ROBO2: variants seen among roughly 807,000 people sequenced by gnomAD.
ROBO2 encodes roundabout homolog 2.
ROBO2 carries 53 observed loss-of-function variants against 160.8 expected under a neutral mutation model. The observed-to-expected ratio is 0.33, with a 90% CI of 0.26 to 0.41. The LOEUF is 0.41. Among genes scored for constraint, ROBO2 ranks in the 10% least tolerant of loss-of-function variants. The pLI, the probability that ROBO2 is intolerant of heterozygous loss-of-function variation, is 1.00. For missense variants in ROBO2, 1,577 were observed against 1,722.4 expected (o/e 0.92, Z 1.49); for synonymous variants, 664 against 611.7 (o/e 1.09, Z -1.26).
rs142466544 is a variant in ROBO2 at position 77,022,053 on chromosome 3, C to A, written c.110-75961C>A. On this transcript the variant is annotated intron_variant, in intron 2 of 26. Transcript: ENST00000487694. ...CTCAAGAGTTCAAGACCAGCCTGGG[C>A]AAAATAATGAAACCTCACCTCTTAA... 2.5e-3 allele frequency among the ~76,000 whole-genome samples: 387 copies of A among 152,164 alleles called. 3 individuals are homozygous for A. Among genetic ancestry groups the A allele is most frequent in the African/African-American group, 8.7e-3 (361 of 41,502 alleles).
At chr3:76,042,833 C>T (rs2067314880) in intron 2 of ROBO2, among the ~76,000 whole-genome samples, 1 of 152,092 alleles carries the variant, frequency 6.6e-6, no homozygotes, top group African/African-American at 2.4e-5. Flanking sequence ...GCCCCTGTCA[C>T]ATACCCCTTG....
chr3:76,640,590 C>T lies in ROBO2; in HGVS notation c.110-457424C>T, dbSNP rs1432433942. 4.5e-3 allele frequency among the ~76,000 whole-genome samples: 172 copies of T among 38,508 alleles called. 1 individual carries two copies. The highest frequency in any genetic ancestry group is 0.012 in the African/African-American group (166 of 14,026). The allele number at this position is 38,508 out of a possible 152,430, so 25.3% of individuals were successfully genotyped here. ...ATAAATAAATATCAATGCGTGTTTG[C>T]GTGTGAGTGTGTGTGTGTGTGTGTG... is the stretch of plus-strand genomic sequence containing the variant. On this transcript the variant is annotated intron_variant, in intron 2 of 26. Transcript: ENST00000487694.
At chr3:76,110,595 T>C (rs1049234739) in intron 2 of ROBO2, among the ~76,000 whole-genome samples, 4 of 152,130 alleles carry the variant, frequency 2.6e-5, no homozygotes, top group African/African-American at 9.7e-5. Context: ...ATAAATGTTA[T>C]TGGTTATCTA....
intron 2 of ROBO2, among the ~76,000 whole-genome samples, chr3:76,065,736 AAT>A (rs370232330): frequency 0.028 from 3,698 of 134,216 alleles, 148 homozygotes; most frequent in African/African-American, 0.088. Context: ...ATTTAAACTA[AAT>A]ATATATATAT....
chr3:76,090,334 C>G (rs990680366), intron 2 of ROBO2, among the ~76,000 whole-genome samples: 18 of 152,000 alleles, frequency 1.2e-4, no homozygotes, highest in African/African-American at 4.1e-4. Flanking sequence ...CCCAGCTGCT[C>G]GGGAGGCTAA....
intron 23 of ROBO2, chr3:77,634,505 A>C (rs2095229505): frequency 3.8e-6 from 1 of 261,000 alleles, no homozygotes; most frequent in Non-Finnish European, 7.6e-6. Context: ...TAGCTTCTTT[A>C]ATTTTAAGAA....
chr3:77,039,735 C>A (rs1490216459), upstream of ROBO2, among the ~76,000 whole-genome samples: 1 of 152,040 alleles, frequency 6.6e-6, no homozygotes, highest in Non-Finnish European at 1.5e-5. Flanking sequence ...CGCCCCTCCT[C>A]GCCCCCGCCC....
chr3:77,631,377 A>C (rs911289729), intron 23 of ROBO2: 2 of 152,174 alleles, frequency 1.3e-5, no homozygotes, highest in Non-Finnish European at 1.5e-5. Flanking sequence ...TTACAGAAAA[A>C]AATTAAATGG....
rs1395926269 is a variant in ROBO2, at chr3:76,107,120, C to T, written c.109+169518C>T. The stretch of plus-strand genomic sequence containing the variant: ...CAAAAACATTCTCATTTGAAGCTCA[C>T]AATAAAATGAGAAGATGTTATCTCC... On this transcript the variant is annotated intron_variant, in intron 2 of 26. Transcript: ENST00000487694. Among the ~76,000 whole-genome samples the T allele has an allele frequency of 4.6e-5, 7 of 152,170 alleles. No individual in the cohort carries two copies. In the East Asian group the frequency reaches 1.2e-3, roughly 25 times the overall value.
chr3:77,037,165 A>G (rs1410117954), upstream of ROBO2, among the ~76,000 whole-genome samples: 1 of 152,178 alleles, frequency 6.6e-6, no homozygotes, highest in Non-Finnish European at 1.5e-5. Flanking sequence ...TTTGGTCATA[A>G]TCCTAAACTA....
intron 2 of ROBO2, among the ~76,000 whole-genome samples, chr3:77,180,838 T>G (rs1010881833): frequency 1.3e-5 from 2 of 152,064 alleles, no homozygotes; most frequent in African/African-American, 2.4e-5. Flanking sequence ...ATATGTGGTA[T>G]ACACTTTGAC....
intron 2 of ROBO2, among the ~76,000 whole-genome samples, chr3:76,024,607 A>G (rs2066677436): frequency 6.6e-6 from 1 of 151,656 alleles, no homozygotes; most frequent in Admixed American, 6.6e-5. Flanking sequence ...ATTCGATATA[A>G]AAAACACAAC....
intron 2 of ROBO2, among the ~76,000 whole-genome samples, chr3:75,970,589 T>G (rs1218993133): frequency 6.6e-6 from 1 of 151,616 alleles, no homozygotes; most frequent in Admixed American, 6.6e-5. Context: ...AAATTCTGTC[T>G]TAAAGTTGTT....
chr3:77,522,925 G>A (rs1412836588), intron 6 of ROBO2, 23 bp downstream of exon 6: 8 of 1,608,036 alleles, frequency 5.0e-6, no homozygotes, highest in Non-Finnish European at 6.8e-6. Flanking sequence ...AGATGTCAAA[G>A]ATAATTGAAC....
At chr3:75,928,901 T>TGTGTGA (rs1300337865) in intron 1 of ROBO2, among the ~76,000 whole-genome samples, 1 of 108,590 alleles carries the variant, frequency 9.2e-6, no homozygotes, top group African/African-American at 4.2e-5. Flanking sequence ...TGTGTGTGTG[T>TGTGTGA]GATAGCTGAT....
intron 1 of ROBO2, among the ~76,000 whole-genome samples, chr3:77,081,781 G>T (rs573020098): frequency 6.6e-6 from 1 of 152,330 alleles, no homozygotes; most frequent in African/African-American, 2.4e-5. Context: ...TGGAGATGTA[G>T]ACACAGATAC....
At chr3:77,221,627 T>A (rs1230378221) in intron 2 of ROBO2, among the ~76,000 whole-genome samples, 1 of 152,100 alleles carries the variant, frequency 6.6e-6, no homozygotes, top group East Asian at 1.9e-4. Context: ...GTTCCCCAAA[T>A]GAAAATAACT....
intron 2 of ROBO2, among the ~76,000 whole-genome samples, chr3:76,664,884 T>C (rs778018060): frequency 3.3e-5 from 5 of 152,148 alleles, no homozygotes; most frequent in Non-Finnish European, 2.9e-5. Context: ...CCAGAGCTGA[T>C]ATTGGAGTGA....
chr3:75,985,246 A>G (rs1005508293), intron 2 of ROBO2, among the ~76,000 whole-genome samples: 2 of 151,442 alleles, frequency 1.3e-5, no homozygotes, highest in African/African-American at 4.8e-5. Context: ...ACTTTGGCCA[A>G]TATCCGTAAG....
Sources: gnomAD v4.1 joint callset for allele counts (sites outside exome capture counted in the v4.1 genomes callset) on GRCh38, gnomAD v4.1.1 for gene constraint, MANE v1.5 for transcripts, NCBI Gene and HGNC (gene_info 2026-07-23, HGNC 2026-07-21) for gene names.